The following EPHA8 variants were observed in gnomAD, a reference collection of about 807,000 sequenced individuals.
EPHA8 encodes the protein EPH receptor A8, also known as ephrin type-A receptor 8.
In EPHA8, 58 loss-of-function variants were observed where a neutral mutation model predicts 103.6. The ratio of observed to expected loss-of-function variants is 0.56; its 90% CI spans 0.45 to 0.70. The LOEUF (loss-of-function observed/expected upper bound fraction) is 0.70. Among genes scored for constraint, EPHA8 ranks in the 30% least tolerant of loss-of-function variants. The probability of loss-of-function intolerance (pLI) is 0.00; values close to 1 mark genes in which losing one functional copy is unlikely to be tolerated. For synonymous variants in EPHA8, 559 were observed against 572.5 expected (o/e 0.98, Z 0.34); for missense variants, 1,304 against 1,395.2 (o/e 0.93, Z 1.04).
intron 1 of EPHA8, among the ~76,000 whole-genome samples, chr1:22,568,768 G>A (rs1295661569): frequency 6.6e-6 from 1 of 152,248 alleles, no homozygotes. Flanking sequence ...GTCCTCAGAT[G>A]GGAGGTATGA....
At chr1:22,600,225 G>T (rs1229113651) in intron 13 of EPHA8, among the ~76,000 whole-genome samples, 3 of 138,618 alleles carry the variant, frequency 2.2e-5, no homozygotes, top group African/African-American at 3.1e-5. Flanking sequence ...GGGAGGGAAA[G>T]AAGAAAGGAG....
In EPHA8 at chr1:22,563,632, G is replaced by GGCCCA. The variant is rs1640264696; in HGVS notation, c.-1_1insCAGCC. ...CGCCCCCGCCCGCCCGGCCCGGCCC[G>GGCCCA]GCCATGGCCCCCGCCCGGGGCCGCC... is the stretch of plus-strand genomic sequence containing the variant. On this transcript the variant is annotated 5_prime_UTR_variant, in exon 1 of 17. Transcript: ENST00000166244. The surrounding 1 kb of genome is among the most constrained non-coding windows in gnomAD (Gnocchi z 4.4). 7.8e-6 allele frequency: 1 copy of GGCCCA among 128,420 alleles called. No individual in the cohort carries two copies. The highest frequency in any genetic ancestry group is 2.1e-4 in the South Asian group (1 of 4,860). The allele number at this position is 128,420 out of a possible 1,614,324, so 8.0% of individuals were successfully genotyped here.
In EPHA8 at chr1:22,576,535, G is replaced by GGT; in HGVS notation, c.482_483dup (p.Arg162CysfsTer28). On this transcript the variant is annotated frameshift_variant, in exon 3 of 17. Coordinates refer to ENST00000166244, the MANE Select transcript of EPHA8 (RefSeq NM_020526.5). LOFTEE classifies it high-confidence loss of function. This position sits in a 1 kb window ranked among gnomAD's most constrained non-coding sequence, Gnocchi z 4.8. ...CGAGAGCTTCACAGGTGCCGACCTT[G>GGT]GTGTGCGGCGTCTCAAGCTCAACAC... 1.9e-6 allele frequency: 3 copies of GGT among 1,614,160 alleles called. No individual in the cohort carries two copies. The highest frequency in any genetic ancestry group is 2.5e-6 in the Non-Finnish European group (3 of 1,180,038).
intron 3 of EPHA8, among the ~76,000 whole-genome samples, chr1:22,580,121 CTTTCTCTTTTT>C (rs1357454097): frequency 3.7e-4 from 45 of 123,148 alleles, no homozygotes; most frequent in Non-Finnish European, 6.5e-4. Flanking sequence ...GGTTTTCTTT[CTTTCTCTTTTT>C]TTTTTTTTTT....
intron 3 of EPHA8, among the ~76,000 whole-genome samples, chr1:22,582,450 C>G (rs1387025754): frequency 6.6e-6 from 1 of 152,182 alleles, no homozygotes; most frequent in Non-Finnish European, 1.5e-5. Context: ...TTGCAGAAGA[C>G]AGTATAGCCT....
chr1:22,579,143 A>G (rs1222913350), intron 3 of EPHA8, among the ~76,000 whole-genome samples: 2 of 140,408 alleles, frequency 1.4e-5, no homozygotes, highest in African/African-American at 5.4e-5. Flanking sequence ...GTGTGTGTGC[A>G]TATGTGCAAG....
At position 22,597,701 on chromosome 1, in the gene EPHA8, G is replaced by A; in HGVS notation, c.1956G>A (p.Gly652=). Reference sequence around the variant, plus strand: ...GAGACTCCGGGGAAGTCTGCTACGGGAGGCTGCGGGTGCCAGGGCAGCGGG... The same window carrying A: ...GAGACTCCGGGGAAGTCTGCTACGGAAGGCTGCGGGTGCCAGGGCAGCGGG... The part of the protein sequence containing the change: ...GSGDSGEVCY[G]RLRVPGQRDV... Residue 652 remains glycine, a synonymous_variant, in exon 11 of 17, where the codon GGG becomes GGA. Coordinates refer to ENST00000166244, the MANE Select transcript of EPHA8 (RefSeq NM_020526.5). The surrounding 1 kb of genome is among the most constrained non-coding windows in gnomAD (Gnocchi z 4.6). The A allele has an allele frequency of 6.2e-7, 1 of 1,611,722 alleles. No homozygotes were observed. The highest frequency in any genetic ancestry group is 8.5e-7 in the Non-Finnish European group (1 of 1,179,190).
intron 13 of EPHA8, 59 bp downstream of exon 13, chr1:22,599,106 A>T: frequency 2.6e-6 from 4 of 1,523,450 alleles, no homozygotes; most frequent in South Asian, 2.4e-5. Context: ...CGCCGGTGGC[A>T]CCCAGGGCCC....
In EPHA8 at chr1:22,597,750, C is replaced by T. The variant is rs1387248062; in HGVS notation, c.2005C>T (p.Leu669Phe). The stretch of plus-strand genomic sequence containing the variant: ...GGATGTGCCCGTGGCCATCAAGGCC[C>T]TCAAAGCCGGCTACACGGAGAGACA... The part of the protein sequence containing the change: ...QRDVPVAIKA[L>F]KAGYTERQRR... Residue 669 changes from leucine to phenylalanine, a missense_variant, in exon 11 of 17, where the codon CTC becomes TTC. By Grantham distance (22) the Leu-to-Phe change is conservative. Transcript: ENST00000166244. The surrounding 1 kb of genome is among the most constrained non-coding windows in gnomAD (Gnocchi z 4.6). The T allele has an allele frequency of 1.2e-6, 2 of 1,613,016 alleles. No homozygotes were observed. The highest frequency in any genetic ancestry group is 2.2e-5 in the East Asian group (1 of 44,888).
In EPHA8 at chr1:22,601,709, A is replaced by G; in HGVS notation, c.2986A>G (p.Thr996Ala). 1 of 1,572,920 alleles carries G rather than the reference A, an allele frequency of 6.4e-7. No individual in the cohort carries two copies. ...GSIQTMRAQLTSTQGPRRHL is the reference protein window; with the variant it reads ...GSIQTMRAQLASTQGPRRHL ...CATTCAGACCATGCGGGCCCAGCTG[A>G]CCAGCACCCAGGGGCCCCGCCGGCA... The change falls in exon 17 of 17, where the codon ACC becomes GCC. Residue 996 changes from threonine to alanine, a missense_variant. Transcript: ENST00000166244.
At chr1:22,577,119 C>T (rs1253553777) in intron 3 of EPHA8, among the ~76,000 whole-genome samples, 1 of 152,138 alleles carries the variant, frequency 6.6e-6, no homozygotes, top group Non-Finnish European at 1.5e-5. Context: ...GGGAAACAGA[C>T]CCCAGCGAGG....
Position 22,595,460 on chromosome 1 carries a change from T to C in EPHA8, c.1697+137T>C, listed in dbSNP as rs190454682. The C allele has an allele frequency of 5.9e-4, 368 of 625,218 alleles. 2 individuals are homozygous for C. The African/African-American group carries it at 6.2e-3, about 11-fold the overall frequency. 38.7% of individuals were successfully genotyped at this position (625,218 alleles called of 1,614,324 possible). A position where few individuals can be genotyped will look rare whatever the true frequency, so the allele number is the denominator to read the frequency against. ...TACAAACACACCACCTCATTTAACC[T>C]AGTGACATGCCAGTGATGTAGAGAT... On this transcript the variant is annotated intron_variant, in intron 8 of 16. Transcript: ENST00000166244.
rs1640407783 is a variant in EPHA8, at chr1:22,567,671, C to T, written c.95-1618C>T. 6.6e-6 allele frequency among the ~76,000 whole-genome samples: 1 copy of T among 152,190 alleles called. No individual in the cohort carries two copies. Among genetic ancestry groups the T allele is most frequent in the Non-Finnish European group, 1.5e-5 (1 of 68,022 alleles). On this transcript the variant is annotated intron_variant, in intron 1 of 16. Coordinates refer to ENST00000166244, the MANE Select transcript of EPHA8 (RefSeq NM_020526.5). This position sits in a 1 kb window ranked among gnomAD's most constrained non-coding sequence, Gnocchi z 4.2. ...AAATCAGCAAATAAGAGCATCCTCACTCCAGCATTTCCTGAGGACACTTGT... is the reference window on the plus strand; with the variant it reads ...AAATCAGCAAATAAGAGCATCCTCATTCCAGCATTTCCTGAGGACACTTGT...
rs970788472 is a variant in EPHA8, at chr1:22,593,329, C to G, written c.1319C>G (p.Pro440Arg). The change falls in exon 6 of 17, where the codon CCG becomes CGG. Residue 440 changes from proline (P) to arginine (R), a missense_variant. Transcript: ENST00000166244. The part of the protein sequence containing the change: ...VVNITTNQAA[P>R]SQVVVIRQER... Reference sequence around the variant, plus strand: ...CTGACGGGATTGGCCGCCCCAGCCCCGTCCCAGGTGGTGGTGATCCGTCAA... The same window carrying G: ...CTGACGGGATTGGCCGCCCCAGCCCGGTCCCAGGTGGTGGTGATCCGTCAA... The G allele has an allele frequency of 1.3e-6, 2 of 1,566,172 alleles. No individual in the cohort carries two copies. Among genetic ancestry groups the G allele is most frequent in the East Asian group, 2.3e-5 (1 of 42,846 alleles).
intron 5 of EPHA8, among the ~76,000 whole-genome samples, chr1:22,591,770 T>C (rs941549915): frequency 1.3e-5 from 2 of 152,084 alleles, no homozygotes; most frequent in Non-Finnish European, 2.9e-5. Flanking sequence ...TGGCCTGGCT[T>C]CTCCTTCGGA....
At position 22,586,615 on chromosome 1, in the gene EPHA8, C is replaced by T. The variant is rs765465256; in HGVS notation, c.959C>T (p.Pro320Leu). ...AGCTACTACCGTGCAGCCCTGGACC[C>T]GCCGTCCTCAGCCTGCACCCGTGAG... ...DLSYYRAALD[P>L]PSSACTRPPS... Residue 320 changes from proline (P) to leucine (L), a missense_variant, in exon 4 of 17, where the codon CCG (proline) becomes CTG (leucine). Transcript: ENST00000166244. 42 of 1,613,812 alleles carry T rather than the reference C, an allele frequency of 2.6e-5. 1 individual carries two copies. The Middle Eastern group carries it at 4.4e-3, about 171-fold the overall frequency.
rs915112154 is a variant in EPHA8 at position 22,600,700 on chromosome 1, A to T, written c.2428A>T (p.Ile810Phe). 4 of 1,613,502 alleles carry T rather than the reference A, an allele frequency of 2.5e-6. No individual in the cohort carries two copies. Among genetic ancestry groups the T allele is most frequent in the Non-Finnish European group, 3.4e-6 (4 of 1,179,870 alleles). The change falls in exon 14 of 17, where the codon ATC (isoleucine) becomes TTC (phenylalanine). Residue 810 changes from isoleucine (I) to phenylalanine (F), a missense_variant. Physicochemically the swap from Ile to Phe is conservative, Grantham distance 21. Transcript: ENST00000166244. The stretch of plus-strand genomic sequence containing the variant: ...CATCCGCTGGACGGCCCCAGAGGCC[A>T]TCGCCTTCCGCACCTTCTCCTCGGC... ...IPIRWTAPEAIAFRTFSSASD... is the reference protein window; with the variant it reads ...IPIRWTAPEAFAFRTFSSASD...
chr1:22,584,232 G>C (rs1168508754), intron 3 of EPHA8, among the ~76,000 whole-genome samples: 2 of 152,086 alleles, frequency 1.3e-5, no homozygotes, highest in African/African-American at 2.4e-5. Flanking sequence ...TGAGCCTCCC[G>C]GGGGGCTTCT....
chr1:22,594,435 C>T lies in EPHA8; in HGVS notation c.1603+749C>T, dbSNP rs3767553. On this transcript the variant is annotated intron_variant, in intron 7 of 16. Transcript: ENST00000166244. ...CTCACCTGGGGACTTACCAAAAATG[C>T]GAATTCCCAGTCCTCACCCCAGCCC... 1.5e-3 allele frequency among the ~76,000 whole-genome samples: 223 copies of T among 152,316 alleles called. 3 individuals carry two copies. The East Asian group carries it at 0.034, about 23-fold the overall frequency.
Sources: gnomAD v4.1 joint callset for allele counts (sites outside exome capture counted in the v4.1 genomes callset) on GRCh38, gnomAD v4.1.1 for gene constraint, Gnocchi (gnomAD v3.1) non-coding constraint, MANE v1.5 for transcripts, NCBI Gene and HGNC (gene_info 2026-07-23, HGNC 2026-07-21) for gene names.